SUCLA2: variants seen among roughly 807,000 people sequenced by gnomAD.
SUCLA2 encodes the protein succinate-CoA ligase ADP-forming subunit beta.
Under a neutral mutation model 54.8 loss-of-function variants are expected in SUCLA2, and 30 were observed. The ratio of observed to expected loss-of-function variants is 0.55; its 90% CI spans 0.41 to 0.74. SUCLA2 has a LOEUF of 0.74. Among genes scored for constraint, SUCLA2 ranks in the 30% least tolerant of loss-of-function variants. The pLI, the probability that SUCLA2 is intolerant of heterozygous loss-of-function variation, is 0.00. For missense variants in SUCLA2, 476 were observed against 562.9 expected (o/e 0.85, Z 1.56); for synonymous variants, 172 against 188.9 (o/e 0.91, Z 0.74).
rs529775956 is a variant in SUCLA2 at position 47,994,945 on chromosome 13, C to T, written c.271+1898G>A. The T allele has an allele frequency of 2.0e-5, 14 of 695,696 alleles. No homozygotes were observed. The African/African-American group carries it at 2.1e-4, about 11-fold the overall frequency. 43.1% of individuals were successfully genotyped at this position (695,696 alleles called of 1,614,324 possible). A position where few individuals can be genotyped will look rare whatever the true frequency, so the allele number is the denominator to read the frequency against. On this transcript the variant is annotated intron_variant, in intron 2 of 10. Coordinates refer to ENST00000646932, the MANE Select transcript of SUCLA2 (RefSeq NM_003850.3). ...AGGCATAATCAAAACAGATTGGCAT[C>T]TGAATTAATCCTATTCATTTTATGA...
chr13:47,969,298 T>C (rs1566086489), intron 5 of SUCLA2, among the ~76,000 whole-genome samples: 1 of 152,164 alleles, frequency 6.6e-6, no homozygotes, highest in Non-Finnish European at 1.5e-5. Flanking sequence ...GTATAATTTA[T>C]AAAGAGTGTC....
chr13:47,985,902 G>GT (rs1047769355), intron 4 of SUCLA2, among the ~76,000 whole-genome samples: 1 of 151,636 alleles, frequency 6.6e-6, no homozygotes, highest in Non-Finnish European at 1.5e-5. Context: ...AGCATCTGTT[G>GT]TTTTTTGACT....
At chr13:47,943,669 G>A (rs973656313) in intron 10 of SUCLA2, among the ~76,000 whole-genome samples, 2 of 150,986 alleles carry the variant, frequency 1.3e-5, no homozygotes, top group East Asian at 1.9e-4. Context: ...TGATTAAGAT[G>A]TTATACCACC....
At chr13:47,952,113 C>T (rs545932474) in intron 8 of SUCLA2, among the ~76,000 whole-genome samples, 2 of 152,016 alleles carry the variant, frequency 1.3e-5, no homozygotes, top group Non-Finnish European at 2.9e-5. Flanking sequence ...ACTATTCTTA[C>T]GAAGGTTCCC....
chr13:47,998,998 C>G (rs1267670041), intron 1 of SUCLA2, among the ~76,000 whole-genome samples: 2 of 152,144 alleles, frequency 1.3e-5, no homozygotes, highest in African/African-American at 4.8e-5. Context: ...ATGAACTAGA[C>G]AGTGGGCTAG....
intron 8 of SUCLA2, among the ~76,000 whole-genome samples, chr13:47,951,715 C>T (rs1055827859): frequency 6.6e-6 from 1 of 152,084 alleles, no homozygotes; most frequent in East Asian, 1.9e-4. Flanking sequence ...TACAACCTTC[C>T]TTTCTTTAGT....
chr13:48,000,136 T>TGAAAAA (rs1950218848), intron 1 of SUCLA2, among the ~76,000 whole-genome samples: 1 of 93,136 alleles, frequency 1.1e-5, no homozygotes, highest in Admixed American at 1.0e-4. Flanking sequence ...TCAATAAAAA[T>TGAAAAA]GAAAAAAAAA....
At chr13:47,988,424 A>G in intron 4 of SUCLA2, 117 bp downstream of exon 4, 1 of 1,238,676 alleles carries the variant, frequency 8.1e-7, no homozygotes, top group Non-Finnish European at 1.1e-6. Context: ...CATGACATAC[A>G]AACAGATTAT....
chr13:47,952,425 T>C (rs1949783654), intron 8 of SUCLA2, among the ~76,000 whole-genome samples: 1 of 152,084 alleles, frequency 6.6e-6, no homozygotes, highest in African/African-American at 2.4e-5. Flanking sequence ...CAATATCTTT[T>C]CAATGAACTG....
At chr13:47,978,830 C>T (rs1380456914) in intron 4 of SUCLA2, among the ~76,000 whole-genome samples, 1 of 152,046 alleles carries the variant, frequency 6.6e-6, no homozygotes, top group Non-Finnish European at 1.5e-5. Flanking sequence ...AAGAAAAAAA[C>T]AACCCCATCA....
chr13:47,949,442 T>G, intron 9 of SUCLA2, 41 bp downstream of exon 9: 1 of 1,611,516 alleles, frequency 6.2e-7, no homozygotes, highest in Middle Eastern at 1.7e-4. Flanking sequence ...TGTGAACTTT[T>G]AAAGAATTAG....
At chr13:47,954,629 G>T in intron 6 of SUCLA2, 72 bp from the exon 7 acceptor site, 2 of 1,490,848 alleles carry the variant, frequency 1.3e-6, no homozygotes, top group Admixed American at 3.5e-5. Context: ...TAGTCAAATG[G>T]TCTTTCATTT....
chr13:47,980,823 G>A (rs1340293438), intron 4 of SUCLA2, among the ~76,000 whole-genome samples: 1 of 152,084 alleles, frequency 6.6e-6, no homozygotes, highest in Non-Finnish European at 1.5e-5. Flanking sequence ...ACAATGGTGG[G>A]AAAGCTACAC....
intron 10 of SUCLA2, among the ~76,000 whole-genome samples, chr13:47,946,479 T>A (rs1046588197): frequency 6.6e-6 from 1 of 151,668 alleles, no homozygotes; most frequent in Non-Finnish European, 1.5e-5. Flanking sequence ...GGGGAAGAAG[T>A]AAAGAGGGAA....
chr13:47,977,815 A>G (rs1950029098), intron 4 of SUCLA2, among the ~76,000 whole-genome samples: 1 of 152,212 alleles, frequency 6.6e-6, no homozygotes, highest in Non-Finnish European at 1.5e-5. Context: ...ATCATACACA[A>G]TAATGAGAAA....
chr13:47,999,753 G>A (rs1248852219), intron 1 of SUCLA2, among the ~76,000 whole-genome samples: 1 of 151,822 alleles, frequency 6.6e-6, no homozygotes, highest in African/African-American at 2.4e-5. Context: ...TAAATTAAAT[G>A]TGTGACCTTG....
intron 8 of SUCLA2, among the ~76,000 whole-genome samples, chr13:47,951,954 TTGAC>T (rs768829031): frequency 3.6e-4 from 55 of 151,616 alleles, no homozygotes; most frequent in Non-Finnish European, 6.5e-4. Context: ...CCTACTGCCT[TTGAC>T]TGATAGCACT....
rs760499815 is a variant in SUCLA2, at chr13:47,949,522, CTT to C, written c.1187_1188del (p.Lys396ArgfsTer5). On this transcript the variant is annotated frameshift_variant, in exon 9 of 11. Coordinates refer to ENST00000646932, the MANE Select transcript of SUCLA2 (RefSeq NM_003850.3). LOFTEE classifies it high-confidence loss of function. ...ACAACAGGTATTTTAATTTCCAAGT[CTT>C]TTACTGCCATGACTATACCCTGTGC... ...VIAQGIVMAV[K>X]DLEIKIPVVV... The C allele has an allele frequency of 1.9e-6, 3 of 1,613,644 alleles. No homozygotes were observed. Among genetic ancestry groups the C allele is most frequent in the Non-Finnish European group, 1.7e-6 (2 of 1,179,696 alleles).
chr13:47,982,300 T>C (rs1950066164), intron 4 of SUCLA2, among the ~76,000 whole-genome samples: 1 of 152,156 alleles, frequency 6.6e-6, no homozygotes, highest in African/African-American at 2.4e-5. Context: ...TGCTACATCA[T>C]GAATAAACCT....
Sources: allele counts gnomAD v4.1 joint callset (sites outside exome capture counted in the v4.1 genomes callset), GRCh38; gene constraint gnomAD v4.1.1; transcripts MANE v1.5; gene names NCBI Gene and HGNC (gene_info 2026-07-23, HGNC 2026-07-21).